The following WASF2 variants were observed in gnomAD, a reference collection of about 807,000 sequenced individuals.
WASF2 encodes actin-binding protein WASF2.
Under a neutral mutation model 45.0 loss-of-function variants are expected in WASF2, and 14 were observed. That is an observed-to-expected ratio of 0.31 (90% CI 0.21 to 0.49). WASF2 has a LOEUF of 0.49. Ranked by LOEUF, WASF2 falls within the 20% of genes least tolerant of loss-of-function variation. The pLI is 0.99. For missense variants in WASF2, 439 were observed against 636.1 expected (o/e 0.69, Z 3.33); for synonymous variants, 200 against 236.3 (o/e 0.85, Z 1.41).
intron 1 of WASF2, among the ~76,000 whole-genome samples, chr1:27,478,383 T>A (rs556942562): frequency 6.6e-6 from 1 of 151,416 alleles, no homozygotes; most frequent in African/African-American, 2.4e-5. Context: ...CGTATACACA[T>A]TAACATGGAC....
intron 1 of WASF2, among the ~76,000 whole-genome samples, chr1:27,440,701 C>G (rs2017212273): frequency 6.6e-6 from 1 of 152,088 alleles, no homozygotes; most frequent in East Asian, 1.9e-4. Flanking sequence ...AAGCAATCCT[C>G]CAGCCTCAGA....
At chr1:27,437,090 C>A (rs539421877) in intron 1 of WASF2, among the ~76,000 whole-genome samples, 1 of 152,256 alleles carries the variant, frequency 6.6e-6, no homozygotes, top group South Asian at 2.1e-4. Context: ...AATTCCATAA[C>A]TTTTTATTAT....
intron 2 of WASF2, among the ~76,000 whole-genome samples, chr1:27,424,205 A>G (rs555632976): frequency 6.6e-6 from 1 of 152,304 alleles, no homozygotes; most frequent in African/African-American, 2.4e-5. Context: ...CATGAGGCCA[A>G]GGTCATGAGC....
intron 2 of WASF2, among the ~76,000 whole-genome samples, chr1:27,421,813 C>T (rs1343701926): frequency 4.0e-5 from 6 of 148,762 alleles, no homozygotes; most frequent in South Asian, 2.1e-4. Flanking sequence ...GAGACTCCAT[C>T]TCAAAAAAAA....
chr1:27,463,801 ATTAT>A (rs1557616356), intron 1 of WASF2, among the ~76,000 whole-genome samples: 1 of 118,558 alleles, frequency 8.4e-6, no homozygotes, highest in Non-Finnish European at 1.9e-5. Flanking sequence ...TATTATTATT[ATTAT>A]TTTTTTTTTT....
chr1:27,467,558 C>T (rs2017631945), intron 1 of WASF2, among the ~76,000 whole-genome samples: 1 of 151,050 alleles, frequency 6.6e-6, no homozygotes, highest in Non-Finnish European at 1.5e-5. Flanking sequence ...GCCTTGACCT[C>T]CCAAAGTGCT....
chr1:27,410,126 G>C lies in WASF2; in HGVS notation c.905C>G (p.Pro302Arg), dbSNP rs2016742568. 6.2e-7 allele frequency: 1 copy of C among 1,613,562 alleles called. No individual in the cohort carries two copies. Among genetic ancestry groups the C allele is most frequent in the Non-Finnish European group, 8.5e-7 (1 of 1,179,690 alleles). Residue 302 changes from proline to arginine, a missense_variant, in exon 8 of 9, where the codon CCA (proline) becomes CGA (arginine). Physicochemically the swap from Pro to Arg is moderately radical, Grantham distance 103. Transcript: ENST00000618852. The surrounding 1 kb of genome is among the most constrained non-coding windows in gnomAD (Gnocchi z 4.2). ...TGGTGGAGAGCCTAGAGGAGGAGCT[G>C]GTGGTGGATGGCTTGGGCTGACCAC... ...SSVVSPSHPP[P>R]APPLGSPPGP...
chr1:27,449,632 T>C (rs998537500), intron 1 of WASF2, among the ~76,000 whole-genome samples: 11 of 151,672 alleles, frequency 7.3e-5, no homozygotes, highest in Admixed American at 2.6e-4. Context: ...ATCAAATGAA[T>C]GAAGCCATAG....
In WASF2 at chr1:27,431,227, G is replaced by T. The variant is rs929818736; in HGVS notation, c.-43-2294C>A. On this transcript the variant is annotated intron_variant, in intron 1 of 8. Transcript: ENST00000618852. Reference sequence around the variant, plus strand: ...ATACTTGTCTACTGTCTAAGGAAATGATTTCCATTCCACTTCTCTGCTGAA... The same window carrying T: ...ATACTTGTCTACTGTCTAAGGAAATTATTTCCATTCCACTTCTCTGCTGAA... Among the ~76,000 whole-genome samples, 15 of 152,326 alleles carry T rather than the reference G, an allele frequency of 9.8e-5. 1 individual carries two copies. The highest frequency in any genetic ancestry group is 6.8e-3 in the Middle Eastern group (2 of 294).
intron 1 of WASF2, among the ~76,000 whole-genome samples, chr1:27,454,163 A>G (rs1177282728): frequency 2.3e-5 from 2 of 86,796 alleles, no homozygotes; most frequent in African/African-American, 5.8e-5. Context: ...GTATATATAT[A>G]TATATATATA....
chr1:27,478,830 C>T (rs747540656), intron 1 of WASF2, among the ~76,000 whole-genome samples: 31 of 152,014 alleles, frequency 2.0e-4, no homozygotes, highest in African/African-American at 6.0e-4. Flanking sequence ...GTGATCCACC[C>T]GCCTCGACCT....
rs533733902 is a variant in WASF2, at chr1:27,414,451, G to C, written c.668+382C>G. Among the ~76,000 whole-genome samples, 3 of 152,166 alleles carry C rather than the reference G, an allele frequency of 2.0e-5. No homozygotes were observed. The highest frequency in any genetic ancestry group is 2.9e-5 in the Non-Finnish European group (2 of 67,984). On this transcript the variant is annotated intron_variant, in intron 6 of 8. Transcript: ENST00000618852. This position sits in a 1 kb window ranked among gnomAD's most constrained non-coding sequence, Gnocchi z 4.1. Reference sequence around the variant, plus strand: ...CTTGCCTAGCCCTCCCCAGCCCTGAGAGTGAAATGCCCAGTTCTTAGGCAT... The same window carrying C: ...CTTGCCTAGCCCTCCCCAGCCCTGACAGTGAAATGCCCAGTTCTTAGGCAT...
chr1:27,458,930 A>T (rs2017509970), intron 1 of WASF2, among the ~76,000 whole-genome samples: 2 of 152,116 alleles, frequency 1.3e-5, no homozygotes, highest in Non-Finnish European at 2.9e-5. Flanking sequence ...GTTTGAGACC[A>T]GCCTGGCCAA....
intron 1 of WASF2, among the ~76,000 whole-genome samples, chr1:27,477,479 G>A (rs1230440391): frequency 6.6e-6 from 1 of 152,210 alleles, no homozygotes; most frequent in Admixed American, 6.5e-5. Flanking sequence ...GGTGGAAGTT[G>A]CAGTGAGCAG....
At chr1:27,433,016 G>A (rs1306000974) in intron 1 of WASF2, among the ~76,000 whole-genome samples, 1 of 152,114 alleles carries the variant, frequency 6.6e-6, no homozygotes, top group Non-Finnish European at 1.5e-5. Context: ...TCCCACCTTG[G>A]CCTCCCAAAG....
At chr1:27,465,105 T>C (rs926885091) in intron 1 of WASF2, among the ~76,000 whole-genome samples, 7 of 152,236 alleles carry the variant, frequency 4.6e-5, no homozygotes, top group Non-Finnish European at 1.0e-4. Context: ...CTGCCAGATG[T>C]CTGACTTTCA....
chr1:27,477,866 T>C (rs1228989344), intron 1 of WASF2, among the ~76,000 whole-genome samples: 1 of 93,852 alleles, frequency 1.1e-5, no homozygotes, highest in Non-Finnish European at 1.9e-5. Flanking sequence ...GCCACTGCAC[T>C]CCAGCCTGGG....
At chr1:27,471,294 G>A (rs948417067) in intron 1 of WASF2, among the ~76,000 whole-genome samples, 13 of 144,290 alleles carry the variant, frequency 9.0e-5, no homozygotes, top group Admixed American at 4.9e-4. Flanking sequence ...GCAGTGAGCC[G>A]AGATCCCGCC....
Position 27,409,815 on chromosome 1 carries a change from G to T in WASF2, c.1216C>A (p.Pro406Thr). 4.5e-6 allele frequency: 7 copies of T among 1,563,500 alleles called. No individual in the cohort carries two copies. Among genetic ancestry groups the T allele is most frequent in the Non-Finnish European group, 6.1e-6 (7 of 1,153,464 alleles). The change falls in exon 8 of 9, where the codon CCT becomes ACT. Residue 406 changes from proline to threonine, a missense_variant. By Grantham distance (38) the Pro-to-Thr change is conservative. Coordinates refer to ENST00000618852, the MANE Select transcript of WASF2 (RefSeq NM_006990.5). ...PPPPPGPPPP[P>T]FTGADGQPAI... ...GGCTGGCCATCTGCACCAGTGAAAG[G>T]GGGAGGAGGGGGCCCCGGAGGAGGA...
Sources: gnomAD v4.1 joint callset for allele counts (sites outside exome capture counted in the v4.1 genomes callset) on GRCh38, gnomAD v4.1.1 for gene constraint, Gnocchi (gnomAD v3.1) non-coding constraint, MANE v1.5 for transcripts, NCBI Gene and HGNC (gene_info 2026-07-23, HGNC 2026-07-21) for gene names.